Variants in SEL1L observed in about 807,000 individuals in gnomAD.
SEL1L encodes SEL1L adaptor subunit of SYVN1 ubiquitin ligase.
Under a neutral mutation model 109.8 loss-of-function variants are expected in SEL1L, and 52 were observed. That is an observed-to-expected ratio of 0.47 (90% confidence interval 0.38 to 0.60). The LOEUF is 0.60. Among genes scored for constraint, SEL1L ranks in the 20% least tolerant of loss-of-function variants. The pLI is 0.00. For missense variants in SEL1L, 749 were observed against 962.2 expected (o/e 0.78, Z 2.93); for synonymous variants, 373 against 339.6 (o/e 1.10, Z -1.08).
At chr14:81,532,976 T>C (rs1378318942) in intron 1 of SEL1L, among the ~76,000 whole-genome samples, 1 of 152,134 alleles carries the variant, frequency 6.6e-6, no homozygotes, top group Non-Finnish European at 1.5e-5. Flanking sequence ...GAATAAACAT[T>C]AGCTAACTGG....
chr14:81,513,271 G>A (rs968980282), intron 3 of SEL1L, among the ~76,000 whole-genome samples: 3 of 152,180 alleles, frequency 2.0e-5, no homozygotes, highest in African/African-American at 7.2e-5. Flanking sequence ...GCCAGCAGTG[G>A]CAACCCCCTC....
Position 81,473,726 on chromosome 14 carries a change from G to T in SEL1L, c.*3246C>A, listed in dbSNP as rs984845770. 1.3e-5 allele frequency: 2 copies of T among 152,156 alleles called. No individual in the cohort carries two copies. The highest frequency in any genetic ancestry group is 4.8e-5 in the African/African-American group (2 of 41,454). 9.4% of individuals were successfully genotyped at this position (152,156 alleles called of 1,614,324 possible). A position where few individuals can be genotyped will look rare whatever the true frequency, so the allele number is the denominator to read the frequency against. On this transcript the variant is annotated 3_prime_UTR_variant, in exon 21 of 21. Coordinates refer to ENST00000336735, the MANE Select transcript of SEL1L (RefSeq NM_005065.6). Reference sequence around the variant, plus strand: ...GTTAGTCCGAACCTCTGTAAAGGAAGTTTTTGCGTATGTAGTTAGACATTA... The same window carrying T: ...GTTAGTCCGAACCTCTGTAAAGGAATTTTTTGCGTATGTAGTTAGACATTA...
Position 81,502,827 on chromosome 14 carries a change from C to G in SEL1L, c.671G>C (p.Arg224Thr). ...ASMNHTKALE[R>T]VSYALLFGDY... ...ACCAAATAAAAGAGCATATGACACT[C>G]TCTCCAGGGCTTTGGTATGGTTCAT... Residue 224 changes from arginine (R) to threonine (T), a missense_variant, in exon 6 of 21, where the codon AGA becomes ACA. Physicochemically the swap from Arg to Thr is moderately conservative, Grantham distance 71. Transcript: ENST00000336735. 1 of 1,614,114 alleles carries G rather than the reference C, an allele frequency of 6.2e-7. No individual in the cohort carries two copies. Among genetic ancestry groups the G allele is most frequent in the Non-Finnish European group, 8.5e-7 (1 of 1,179,966 alleles).
At chr14:81,514,850 A>G (rs1003391838) in intron 3 of SEL1L, among the ~76,000 whole-genome samples, 7 of 152,288 alleles carry the variant, frequency 4.6e-5, no homozygotes, top group Non-Finnish European at 7.4e-5. Context: ...CCTGGCCCCA[A>G]TATTCTCTCT....
intron 12 of SEL1L, among the ~76,000 whole-genome samples, chr14:81,491,481 A>C (rs1352565052): frequency 1.3e-5 from 2 of 152,250 alleles, no homozygotes; most frequent in Non-Finnish European, 2.9e-5. Flanking sequence ...CTTAACAAAA[A>C]CAGAGGGAAA....
Position 81,492,530 on chromosome 14 carries a change from T to G in SEL1L, c.1204A>C (p.Asn402His), listed in dbSNP as rs780473728. 9.9e-6 allele frequency: 16 copies of G among 1,611,730 alleles called. No individual in the cohort carries two copies. Among genetic ancestry groups the G allele is most frequent in the Non-Finnish European group, 1.4e-5 (16 of 1,178,318 alleles). Residue 402 changes from asparagine (N) to histidine (H), a missense_variant, in exon 12 of 21, where the codon AAT becomes CAT. By Grantham distance (68) the Asn-to-His change is moderately conservative. Coordinates refer to ENST00000336735, the MANE Select transcript of SEL1L (RefSeq NM_005065.6). ...QNHQRAFDYF[N>H]LAANAGNSHA... ...GAATTGCCAGCATTTGCTGCTAAAT[T>G]GAAGTAGTCAAATGCTCTCTATGAG...
intron 10 of SEL1L, among the ~76,000 whole-genome samples, chr14:81,496,340 C>CAAAAACA (rs1883749084): frequency 6.8e-6 from 1 of 147,266 alleles, no homozygotes; most frequent in Non-Finnish European, 1.5e-5. Context: ...AAAACAAAAA[C>CAAAAACA]AAAAAAAAAA....
chr14:81,485,968 AGAACCAGTCAT>A (rs1171602678), intron 17 of SEL1L, among the ~76,000 whole-genome samples: 1 of 152,216 alleles, frequency 6.6e-6, no homozygotes, highest in Non-Finnish European at 1.5e-5. Context: ...TTGTATCTAT[AGAACCAGTCAT>A]GAGACTACTG....
intron 6 of SEL1L, among the ~76,000 whole-genome samples, chr14:81,500,856 A>C (rs1029393237): frequency 4.6e-5 from 7 of 152,200 alleles, no homozygotes; most frequent in African/African-American, 7.2e-5. Context: ...TAAAAACACA[A>C]AAATGGAAGA....
At chr14:81,487,085 C>T (rs1361338835) in intron 16 of SEL1L, among the ~76,000 whole-genome samples, 1 of 151,558 alleles carries the variant, frequency 6.6e-6, no homozygotes, top group Non-Finnish European at 1.5e-5. Context: ...ACTATAGGCA[C>T]GTGCCATTGT....
chr14:81,508,242 G>A (rs4584759), intron 3 of SEL1L, among the ~76,000 whole-genome samples: 110,505 of 152,090 alleles, frequency 0.73, 40,225 homozygotes, highest in African/African-American at 0.76. Context: ...GTTTACACCA[G>A]GTAAATGTCA....
chr14:81,527,877 A>T, intron 1 of SEL1L, 139 bp from the exon 2 acceptor site: 1 of 563,294 alleles, frequency 1.8e-6, no homozygotes, highest in Non-Finnish European at 3.0e-6. Context: ...AAAGTTAGCT[A>T]TATTCAGCAA....
At chr14:81,499,184 G>A (rs929772526) in intron 8 of SEL1L, 3 of 1,159,284 alleles carry the variant, frequency 2.6e-6, no homozygotes, top group African/African-American at 1.6e-5. Flanking sequence ...CCAACTCAGA[G>A]AAAATTTAAA....
intron 8 of SEL1L, 177 bp from the exon 9 acceptor site, chr14:81,498,671 G>T: frequency 1.8e-6 from 1 of 544,228 alleles, no homozygotes. Flanking sequence ...ACTTCAACAA[G>T]AAGGCCATAG....
chr14:81,522,909 C>T (rs115656837), intron 3 of SEL1L, among the ~76,000 whole-genome samples: 4,088 of 152,246 alleles, frequency 0.027, 182 homozygotes, highest in African/African-American at 0.094. Context: ...TGGACATGTT[C>T]AGTACAGTTG....
chr14:81,487,674 A>C (rs1017024837), intron 15 of SEL1L, 136 bp from the exon 16 acceptor site: 1 of 1,499,534 alleles, frequency 6.7e-7, no homozygotes. Context: ...ATACAAGCTA[A>C]CACACTGATA....
In SEL1L at chr14:81,506,254, G is replaced by A. The variant is rs754832260; in HGVS notation, c.341-13C>T. On this transcript the variant is annotated splice_polypyrimidine_tract_variant and intron_variant, in intron 3 of 20. Transcript: ENST00000336735. ...ATGGCGGTCAAAGCTGGAATGACAAGAAATAAAAATCTAAACATGAAACAA... is the reference window on the plus strand; with the variant it reads ...ATGGCGGTCAAAGCTGGAATGACAAAAAATAAAAATCTAAACATGAAACAA... The A allele has an allele frequency of 1.3e-5, 20 of 1,566,690 alleles. No individual in the cohort carries two copies. The highest frequency in any genetic ancestry group is 1.7e-5 in the Non-Finnish European group (20 of 1,158,554).
In SEL1L at chr14:81,479,728, C is replaced by A. The variant is rs141468218; in HGVS notation, c.2059G>T (p.Ala687Ser). Residue 687 changes from alanine (A) to serine (S), a missense_variant, in exon 20 of 21, where the codon GCG becomes TCG. Around this residue, in one of 2 missense-constraint regions of SEL1L, gnomAD observed 383 missense variants for 562.5 expected, o/e 0.68. Coordinates refer to ENST00000336735, the MANE Select transcript of SEL1L (RefSeq NM_005065.6). ...GCTGCCATGTCATAAAAACGTTTCG[C>A]AAGGTGAATATCCTATAATACAGGT... is the stretch of plus-strand genomic sequence containing the variant. ...GLGIKQDIHLAKRFYDMAAEA... is the reference protein window; with the variant it reads ...GLGIKQDIHLSKRFYDMAAEA... 6.9e-5 allele frequency: 111 copies of A among 1,612,586 alleles called. No homozygotes were observed. Among genetic ancestry groups the A allele is most frequent in the Non-Finnish European group, 8.8e-5 (104 of 1,179,584 alleles).
intron 19 of SEL1L, among the ~76,000 whole-genome samples, chr14:81,483,435 G>A (rs1903421126): frequency 6.6e-6 from 1 of 152,086 alleles, no homozygotes; most frequent in Non-Finnish European, 1.5e-5. Flanking sequence ...ACACTTGTTT[G>A]TTTCAGGTAA....
Sources: allele counts gnomAD v4.1 joint callset (sites outside exome capture counted in the v4.1 genomes callset), GRCh38; gene constraint gnomAD v4.1.1; regional missense constraint gnomAD v4.1.1; transcripts MANE v1.5; gene names NCBI Gene and HGNC (gene_info 2026-07-23, HGNC 2026-07-21).